The following SHQ1 variants were observed in gnomAD, a reference collection of about 807,000 sequenced individuals.
SHQ1 encodes the protein protein SHQ1 homolog.
Under a neutral mutation model 53.8 loss-of-function variants are expected in SHQ1, and 49 were observed. The ratio of observed to expected loss-of-function variants is 0.91; its 90% CI spans 0.72 to 1.16. SHQ1 has a LOEUF of 1.16. SHQ1 is among the 50% of genes most tolerant of loss of function. SHQ1 has a pLI of 0.00. For synonymous variants in SHQ1, 243 were observed against 251.0 expected (o/e 0.97, Z 0.30); for missense variants, 738 against 683.1 (o/e 1.08, Z -0.90).
the SHQ1 span, among the ~76,000 whole-genome samples, chr3:72,740,382 C>T: frequency 6.6e-6 from 1 of 152,128 alleles, no homozygotes; most frequent in Non-Finnish European, 1.5e-5. Context: ...TGAAAGGTGT[C>T]CAAATTGGGA....
At position 72,812,793 on chromosome 3, in the gene SHQ1, G is replaced by C; in HGVS notation, c.938C>G (p.Thr313Ser). ...KLSPTLCWFE[T>S]WTNVHDIMVS... ...CATGATATCATGAACGTTAGTCCAA[G>C]TCTGTGAAGTGTCATTTTAATAAGC... Residue 313 changes from threonine (T) to serine (S), a missense_variant and splice_region_variant, in exon 9 of 11, where the codon ACT (threonine) becomes AGT (serine). Transcript: ENST00000325599. 6.2e-7 allele frequency: 1 copy of C among 1,613,776 alleles called. No individual in the cohort carries two copies. The highest frequency in any genetic ancestry group is 8.5e-7 in the Non-Finnish European group (1 of 1,179,888).
At chr3:72,804,002 G>A (rs1402593222) in intron 9 of SHQ1, among the ~76,000 whole-genome samples, 2 of 151,996 alleles carry the variant, frequency 1.3e-5, no homozygotes, top group Non-Finnish European at 2.9e-5. Context: ...CTGTAACCTC[G>A]AACTCCTGGG....
intron 10 of SHQ1, 102 bp downstream of exon 10, chr3:72,792,814 C>G: frequency 3.5e-6 from 1 of 282,400 alleles, no homozygotes; most frequent in Non-Finnish European, 6.5e-6. Context: ...AAAAAAAACA[C>G]AACTTACTCC....
intron 9 of SHQ1, among the ~76,000 whole-genome samples, chr3:72,805,303 G>A (rs905070109): frequency 6.6e-6 from 1 of 152,070 alleles, no homozygotes; most frequent in Non-Finnish European, 1.5e-5. Flanking sequence ...ATGTATTCCT[G>A]GTAAAACATA....
chr3:72,773,339 A>G, intron 10 of SHQ1: 2 of 576,782 alleles, frequency 3.5e-6, no homozygotes, highest in Non-Finnish European at 6.7e-6. Context: ...AAAAATGAGT[A>G]TACTCCAACA....
rs550705563 is a variant in SHQ1 at position 72,800,406 on chromosome 3, C to T, written c.1061-7370G>A. On this transcript the variant is annotated intron_variant, in intron 9 of 10. Coordinates refer to ENST00000325599, the MANE Select transcript of SHQ1 (RefSeq NM_018130.3). ...TTTAACCCTACGAGTTAGGTACTTT[C>T]TTCCTTGTTTCATAAATGAGAAAAC... is the stretch of plus-strand genomic sequence containing the variant. Among the ~76,000 whole-genome samples, 16 of 152,332 alleles carry T rather than the reference C, an allele frequency of 1.1e-4. 1 individual carries two copies. The South Asian group carries it at 2.5e-3, about 24-fold the overall frequency.
chr3:72,751,391 G>A (rs1052774225), intron 10 of SHQ1, among the ~76,000 whole-genome samples: 1 of 151,770 alleles, frequency 6.6e-6, no homozygotes, highest in Non-Finnish European at 1.5e-5. Context: ...CTGCACTCCA[G>A]CTAGACAACA....
At chr3:72,727,976 T>A in the SHQ1 span, among the ~76,000 whole-genome samples, 1 of 151,942 alleles carries the variant, frequency 6.6e-6, no homozygotes, top group Non-Finnish European at 1.5e-5. Context: ...AGCCGTGGAG[T>A]CCCTGGAAGC....
At chr3:72,846,106 C>A in intron 1 of SHQ1, 1 of 1,105,066 alleles carries the variant, frequency 9.0e-7, no homozygotes, top group Non-Finnish European at 1.3e-6. Context: ...GTGGCCGGCA[C>A]AACAGGTGAG....
intron 4 of SHQ1, among the ~76,000 whole-genome samples, chr3:72,833,805 T>C (rs939414646): frequency 2.0e-5 from 3 of 152,232 alleles, no homozygotes; most frequent in Admixed American, 6.5e-5. Flanking sequence ...AGAAACCTTA[T>C]ACAATGTGAA....
rs764600930 is a variant in SHQ1, at chr3:72,848,311, C to G, written c.30G>C (p.Gln10His). MLTPAFDLS[Q>H]DPDFLTIAIR... ...TGGCGATAGTCAGGAAGTCCGGATC[C>G]TGGCTGAGGTCGAACGCCGGGGTCA... The change falls in exon 1 of 11, where the codon CAG (glutamine) becomes CAC (histidine). Residue 10 changes from glutamine to histidine, a missense_variant. Transcript: ENST00000325599. 3 of 1,614,128 alleles carry G rather than the reference C, an allele frequency of 1.9e-6. No homozygotes were observed. The highest frequency in any genetic ancestry group is 1.7e-6 in the Non-Finnish European group (2 of 1,180,018).
Position 72,749,696 on chromosome 3 carries a change from G to A in SHQ1, c.*588C>T, listed in dbSNP as rs1705324859. ...CACCTCCTAAAATAAAAATATTGAT[G>A]GGCTCTACATTCTGGAGACACGGGC... On this transcript the variant is annotated 3_prime_UTR_variant, in exon 11 of 11. Coordinates refer to ENST00000325599, the MANE Select transcript of SHQ1 (RefSeq NM_018130.3). 4.7e-6 allele frequency: 1 copy of A among 215,024 alleles called. No homozygotes were observed. 13.3% of individuals were successfully genotyped at this position (215,024 alleles called of 1,614,324 possible). A position where few individuals can be genotyped will look rare whatever the true frequency, so the allele number is the denominator to read the frequency against.
chr3:72,763,400 T>C (rs922333251), intron 10 of SHQ1, among the ~76,000 whole-genome samples: 1 of 152,228 alleles, frequency 6.6e-6, no homozygotes, highest in Non-Finnish European at 1.5e-5. Flanking sequence ...AACGGCTGTT[T>C]GGATTCAATT....
intron 9 of SHQ1, among the ~76,000 whole-genome samples, chr3:72,796,868 T>C (rs1003361467): frequency 6.6e-6 from 1 of 151,260 alleles, no homozygotes; most frequent in African/African-American, 2.4e-5. Flanking sequence ...TGTCAAAATA[T>C]TTTTTTAATT....
intron 6 of SHQ1, among the ~76,000 whole-genome samples, 193 bp from the exon 7 acceptor site, chr3:72,817,577 T>C (rs970591059): frequency 2.0e-5 from 3 of 152,212 alleles, no homozygotes; most frequent in African/African-American, 4.8e-5. Context: ...CAAATTCTAA[T>C]AGGGCTGAAT....
intron 9 of SHQ1, chr3:72,809,804 C>T (rs1379377697): frequency 6.6e-6 from 1 of 151,946 alleles, no homozygotes; most frequent in Non-Finnish European, 1.5e-5. Flanking sequence ...CCTAAACATA[C>T]AAATATTAGC....
At chr3:72,776,228 C>T (rs1705955573) in intron 10 of SHQ1, among the ~76,000 whole-genome samples, 1 of 152,174 alleles carries the variant, frequency 6.6e-6, no homozygotes, top group South Asian at 2.1e-4. Flanking sequence ...CATTAATGTG[C>T]CACATAACAA....
chr3:72,731,930 A>C, the SHQ1 span, among the ~76,000 whole-genome samples: 7 of 151,356 alleles, frequency 4.6e-5, 1 homozygote, highest in Non-Finnish European at 5.9e-5. Flanking sequence ...TCCTGTGAGC[A>C]CAGCCACCTC....
intron 8 of SHQ1, among the ~76,000 whole-genome samples, chr3:72,813,599 T>C (rs541168505): frequency 6.6e-6 from 1 of 151,414 alleles, no homozygotes; most frequent in African/African-American, 2.4e-5. Context: ...CCGTCTCTAC[T>C]AAAACTACAA....
Sources: allele counts gnomAD v4.1 joint callset (sites outside exome capture counted in the v4.1 genomes callset), GRCh38; gene constraint gnomAD v4.1.1; transcripts MANE v1.5; gene names NCBI Gene and HGNC (gene_info 2026-07-23, HGNC 2026-07-21).